Variants in ELMO1 observed in about 807,000 individuals in gnomAD.
The protein encoded by ELMO1 is engulfment and cell motility 1, also known as engulfment and cell motility protein 1.
Under a neutral mutation model 98.9 loss-of-function variants are expected in ELMO1, and 26 were observed. The observed-to-expected ratio is 0.26, with a 90% confidence interval of 0.19 to 0.36. ELMO1 has a LOEUF of 0.36. Among genes scored for constraint, ELMO1 ranks in the 10% least tolerant of loss-of-function variants. The probability of loss-of-function intolerance (pLI) is 1.00; values close to 1 mark genes in which losing one functional copy is unlikely to be tolerated. For missense variants in ELMO1, 627 were observed against 935.2 expected (o/e 0.67, Z 4.30); for synonymous variants, 346 against 346.0 (o/e 1.00, Z 0.00).
intron 15 of ELMO1, among the ~76,000 whole-genome samples, chr7:37,065,186 C>T (rs1237856003): frequency 2.0e-5 from 3 of 146,512 alleles, no homozygotes; most frequent in East Asian, 2.0e-4. Flanking sequence ...TACCCCCACC[C>T]TTTTTTTTTT....
At chr7:37,240,030 T>C (rs1445501557) in intron 7 of ELMO1, among the ~76,000 whole-genome samples, 2 of 145,840 alleles carry the variant, frequency 1.4e-5, no homozygotes, top group Admixed American at 1.4e-4. Context: ...TTAATTTTCT[T>C]TCTTTTTTTT....
At chr7:36,986,310 C>G (rs1791503301) in intron 16 of ELMO1, 1 of 959,152 alleles carries the variant, frequency 1.0e-6, no homozygotes. Context: ...GAGCTTTTCT[C>G]TTAGAGTATC....
chr7:37,033,682 T>A (rs1795007384), intron 15 of ELMO1, among the ~76,000 whole-genome samples: 1 of 152,182 alleles, frequency 6.6e-6, no homozygotes, highest in South Asian at 2.1e-4. Context: ...ATACAGAATT[T>A]GGAAAAGAAA....
intron 16 of ELMO1, among the ~76,000 whole-genome samples, chr7:36,972,981 A>G (rs1389023580): frequency 1.3e-5 from 2 of 152,116 alleles, no homozygotes; most frequent in Admixed American, 1.3e-4. Context: ...AGGTTTTGCC[A>G]TGTTGACCAG....
intron 7 of ELMO1, among the ~76,000 whole-genome samples, chr7:37,234,572 A>G (rs759737326): frequency 6.6e-6 from 1 of 152,214 alleles, no homozygotes; most frequent in Non-Finnish European, 1.5e-5. Flanking sequence ...GAAAACGGCT[A>G]AGTAGGTAGT....
chr7:36,935,001 A>T (rs1786387941), intron 16 of ELMO1, among the ~76,000 whole-genome samples: 1 of 152,140 alleles, frequency 6.6e-6, no homozygotes, highest in South Asian at 2.1e-4. Context: ...CACCACTGCA[A>T]GTTTTTCCTG....
chr7:36,940,195 C>G (rs564747323), intron 16 of ELMO1, among the ~76,000 whole-genome samples: 1 of 152,306 alleles, frequency 6.6e-6, no homozygotes, highest in Non-Finnish European at 1.5e-5. Context: ...AGAACCTTGC[C>G]TAAATTGGCA....
At chr7:37,100,346 A>G (rs2129263678) in intron 14 of ELMO1, among the ~76,000 whole-genome samples, 1 of 152,324 alleles carries the variant, frequency 6.6e-6, no homozygotes. Flanking sequence ...CTTTACTTCC[A>G]TAAATTCCAG....
At chr7:37,319,246 C>G (rs994693006) in intron 2 of ELMO1, among the ~76,000 whole-genome samples, 1 of 152,204 alleles carries the variant, frequency 6.6e-6, no homozygotes, top group South Asian at 2.1e-4. Context: ...CGGTAGCACA[C>G]ATCCCTCAGA....
At chr7:37,192,481 G>C (rs1791652049) in intron 13 of ELMO1, among the ~76,000 whole-genome samples, 1 of 129,790 alleles carries the variant, frequency 7.7e-6, no homozygotes, top group South Asian at 2.6e-4. Flanking sequence ...CCTGGCAACA[G>C]AGCAAGACTC....
chr7:37,157,421 C>G (rs564811571), intron 13 of ELMO1, among the ~76,000 whole-genome samples: 1 of 152,090 alleles, frequency 6.6e-6, no homozygotes. Context: ...AAAACCCCAT[C>G]GTATCAGCCC....
intron 4 of ELMO1, among the ~76,000 whole-genome samples, chr7:37,276,077 A>G (rs1457434155): frequency 2.0e-5 from 3 of 152,150 alleles, no homozygotes; most frequent in Non-Finnish European, 4.4e-5. Context: ...TTCACTTCCG[A>G]GCGGGAAAAC....
chr7:36,904,104 A>G (rs1783784830), intron 16 of ELMO1, among the ~76,000 whole-genome samples: 2 of 152,184 alleles, frequency 1.3e-5, no homozygotes, highest in African/African-American at 4.8e-5. Flanking sequence ...AAAGTAGCCC[A>G]TACCTCCTTG....
intron 16 of ELMO1, among the ~76,000 whole-genome samples, chr7:36,936,245 CCT>C (rs931462030): frequency 2.6e-5 from 4 of 152,052 alleles, no homozygotes; most frequent in African/African-American, 9.7e-5. Context: ...TGAAGAGACC[CCT>C]GTCTCTTCCA....
chr7:37,012,465 T>C (rs1356674444), intron 16 of ELMO1, among the ~76,000 whole-genome samples: 1 of 152,160 alleles, frequency 6.6e-6, no homozygotes, highest in Non-Finnish European at 1.5e-5. Context: ...AGAGTGGTCA[T>C]GGGTGATGGG....
chr7:37,422,377 T>C (rs894327955), intron 1 of ELMO1, among the ~76,000 whole-genome samples: 1 of 152,232 alleles, frequency 6.6e-6, no homozygotes, highest in African/African-American at 2.4e-5. Context: ...GTCGGAGTTA[T>C]TGGCTTAATT....
At chr7:36,979,024 G>A (rs1368011018) in intron 16 of ELMO1, among the ~76,000 whole-genome samples, 1 of 152,144 alleles carries the variant, frequency 6.6e-6, no homozygotes, top group East Asian at 1.9e-4. Context: ...GGGGCAACAT[G>A]GCGAAACCTA....
chr7:37,089,505 A>G (rs1783958598), intron 15 of ELMO1, among the ~76,000 whole-genome samples: 1 of 152,182 alleles, frequency 6.6e-6, no homozygotes, highest in Non-Finnish European at 1.5e-5. Flanking sequence ...CCCCCACACA[A>G]AAGCATAATT....
intron 13 of ELMO1, among the ~76,000 whole-genome samples, chr7:37,191,825 G>A (rs917081531): frequency 2.0e-5 from 3 of 152,220 alleles, no homozygotes; most frequent in Admixed American, 1.3e-4. Context: ...GGCTGAGCCA[G>A]GAGAATTCCA....
Sources: allele counts gnomAD v4.1 joint callset (sites outside exome capture counted in the v4.1 genomes callset), GRCh38; gene constraint gnomAD v4.1.1; transcripts MANE v1.5; gene names NCBI Gene and HGNC (gene_info 2026-07-23, HGNC 2026-07-21).